The following PCP4L1 variants were observed in gnomAD, a reference collection of about 807,000 sequenced individuals.
PCP4L1 encodes the protein Purkinje cell protein 4-like protein 1.
In PCP4L1, 9 loss-of-function variants were observed where a neutral mutation model predicts 9.6. That is an observed-to-expected ratio of 0.94 (90% confidence interval 0.57 to 1.64). PCP4L1 has a LOEUF of 1.64. PCP4L1 is among the 40% of genes most tolerant of loss of function. The pLI, the probability that PCP4L1 is intolerant of heterozygous loss-of-function variation, is 0.00. For missense variants in PCP4L1, 81 were observed against 80.8 expected (o/e 1.00, Z -0.01); for synonymous variants, 31 against 28.2 (o/e 1.10, Z -0.31).
At chr1:161,270,600 G>A (rs1256288641) in intron 1 of PCP4L1, among the ~76,000 whole-genome samples, 5 of 135,466 alleles carry the variant, frequency 3.7e-5, no homozygotes, top group African/African-American at 8.4e-5. Flanking sequence ...CAGGCTAGGC[G>A]CAGTGGCTCA....
At chr1:161,284,015 C>T (rs1669865521) in intron 2 of PCP4L1, among the ~76,000 whole-genome samples, 1 of 152,152 alleles carries the variant, frequency 6.6e-6, no homozygotes, top group Admixed American at 6.5e-5. Context: ...GCATTATCTC[C>T]ATCAGAAACT....
chr1:161,260,887 C>G (rs1669406298), intron 1 of PCP4L1, among the ~76,000 whole-genome samples: 1 of 152,160 alleles, frequency 6.6e-6, no homozygotes, highest in African/African-American at 2.4e-5. Flanking sequence ...AAGCTGTCTC[C>G]TAATACAGAG....
intron 1 of PCP4L1, among the ~76,000 whole-genome samples, chr1:161,281,569 C>A (rs1201075635): frequency 1.3e-5 from 2 of 151,520 alleles, no homozygotes; most frequent in Non-Finnish European, 3.0e-5. Flanking sequence ...GGCTGATCCC[C>A]ACCTCCCTCC....
At chr1:161,275,670 C>T (rs1054826474) in intron 1 of PCP4L1, among the ~76,000 whole-genome samples, 8 of 151,836 alleles carry the variant, frequency 5.3e-5, no homozygotes, top group Admixed American at 1.3e-4. Context: ...GATTTACTGG[C>T]AAAAGAGAGC....
chr1:161,277,928 C>A (rs970360095), intron 1 of PCP4L1, among the ~76,000 whole-genome samples: 2 of 152,210 alleles, frequency 1.3e-5, no homozygotes, highest in Non-Finnish European at 2.9e-5. Context: ...CGTCTGCCAC[C>A]TTTCCTGCAT....
rs1299835767 is a variant in PCP4L1 at position 161,281,798 on chromosome 1, GGCAGAGGC to G, written c.10-1867_10-1860del. 1.1e-4 allele frequency among the ~76,000 whole-genome samples: 6 copies of G among 53,216 alleles called. 1 individual carries two copies. Among genetic ancestry groups the G allele is most frequent in the African/African-American group, 2.9e-4 (3 of 10,498 alleles). 34.9% of individuals were successfully genotyped at this position (53,216 alleles called of 152,430 possible). On this transcript the variant is annotated intron_variant, in intron 1 of 2. Transcript: ENST00000504449. Reference sequence around the variant, plus strand: ...CCTCACATCCCGGACGGGGCGGCGGGGCAGAGGCGCTCCTCACATCCCGGACGGGGCGG... The same window carrying G: ...CCTCACATCCCGGACGGGGCGGCGGGGCTCCTCACATCCCGGACGGGGCGG...
Position 161,284,508 on chromosome 1 carries a change from C to T in PCP4L1, c.*27C>T. The stretch of plus-strand genomic sequence containing the variant: ...TGGCCAGGCTTGCCCTTCACCTTCA[C>T]CTTCATGCTGGTCCCTTCTCTCCCC... On this transcript the variant is annotated 3_prime_UTR_variant, in exon 3 of 3. Coordinates refer to ENST00000504449, the MANE Select transcript of PCP4L1 (RefSeq NM_001102566.2). 1.9e-6 allele frequency: 3 copies of T among 1,605,162 alleles called. No homozygotes were observed. Among genetic ancestry groups the T allele is most frequent in the Non-Finnish European group, 2.6e-6 (3 of 1,175,640 alleles).
At chr1:161,261,475 G>A (rs2102229779) in intron 1 of PCP4L1, among the ~76,000 whole-genome samples, 1 of 152,336 alleles carries the variant, frequency 6.6e-6, no homozygotes, top group East Asian at 1.9e-4. Flanking sequence ...TGCATTCACA[G>A]CTGCAGGCGG....
intron 1 of PCP4L1, among the ~76,000 whole-genome samples, chr1:161,277,557 T>G (rs1031924579): frequency 2.0e-5 from 3 of 152,208 alleles, no homozygotes; most frequent in African/African-American, 7.2e-5. Flanking sequence ...GGTCCTTATC[T>G]CCTCTAAAAT....
rs893535327 is a variant in PCP4L1 at position 161,284,560 on chromosome 1, C to T, written c.*79C>T. Reference sequence around the variant, plus strand: ...TCTCCACACCCATGTATCTTTATCCCTTGTCCCTCTAGCCTTTCCTTGAGG... The same window carrying T: ...TCTCCACACCCATGTATCTTTATCCTTTGTCCCTCTAGCCTTTCCTTGAGG... On this transcript the variant is annotated 3_prime_UTR_variant, in exon 3 of 3. Coordinates refer to ENST00000504449, the MANE Select transcript of PCP4L1 (RefSeq NM_001102566.2). The T allele has an allele frequency of 4.7e-5, 73 of 1,539,498 alleles. No homozygotes were observed. The highest frequency in any genetic ancestry group is 6.2e-5 in the Non-Finnish European group (71 of 1,138,582).
At chr1:161,263,914 T>C (rs1669463549) in intron 1 of PCP4L1, among the ~76,000 whole-genome samples, 1 of 130,188 alleles carries the variant, frequency 7.7e-6, no homozygotes, top group Admixed American at 7.6e-5. Flanking sequence ...TTTTTTTTTT[T>C]TTTTTTTTTT....
chr1:161,284,818 G>A lies in PCP4L1; in HGVS notation c.*337G>A, dbSNP rs1669881082. On this transcript the variant is annotated 3_prime_UTR_variant, in exon 3 of 3. Coordinates refer to ENST00000504449, the MANE Select transcript of PCP4L1 (RefSeq NM_001102566.2). ...CCAAAGAACAATGTGGGAAGGAGGG[G>A]AAGGCTTTCAGAGTAGGGTGCCTGA... 7 of 288,190 alleles carry A rather than the reference G, an allele frequency of 2.4e-5. No individual in the cohort carries two copies. The Admixed American group carries it at 2.7e-4, about 11-fold the overall frequency. The allele number at this position is 288,190 out of a possible 1,614,324, so 17.9% of individuals were successfully genotyped here.
intron 1 of PCP4L1, among the ~76,000 whole-genome samples, chr1:161,281,317 C>T (rs1302541719): frequency 4.0e-5 from 6 of 150,722 alleles, no homozygotes; most frequent in Admixed American, 6.6e-5. Flanking sequence ...TCCACAAAAC[C>T]GCCATTGTCA....
intron 1 of PCP4L1, among the ~76,000 whole-genome samples, chr1:161,267,605 G>T (rs1490875343): frequency 6.6e-6 from 1 of 152,240 alleles, no homozygotes; most frequent in Non-Finnish European, 1.5e-5. Context: ...GGAAGATTGG[G>T]CCTAGAGTTA....
chr1:161,283,576 G>A (rs1669857822), intron 1 of PCP4L1, 92 bp from the exon 2 acceptor site: 2 of 1,177,820 alleles, frequency 1.7e-6, no homozygotes, highest in Non-Finnish European at 2.4e-6. Flanking sequence ...CTGGTAATAG[G>A]GTTTGAGAGT....
At chr1:161,270,579 A>AAAAAAAAAAAG (rs993282417) in intron 1 of PCP4L1, among the ~76,000 whole-genome samples, 7 of 150,966 alleles carry the variant, frequency 4.6e-5, no homozygotes, top group South Asian at 4.2e-4. Flanking sequence ...CAAAAAAAAA[A>AAAAAAAAAAAG]AGAGAGACCC....
intron 1 of PCP4L1, among the ~76,000 whole-genome samples, chr1:161,270,381 C>T (rs1197882466): frequency 2.0e-5 from 3 of 151,990 alleles, no homozygotes; most frequent in Admixed American, 6.6e-5. Flanking sequence ...TACAATTGCT[C>T]ATGTCAGAGC....
At chr1:161,266,990 G>C (rs113120003) in intron 1 of PCP4L1, among the ~76,000 whole-genome samples, 2 of 152,138 alleles carry the variant, frequency 1.3e-5, no homozygotes, top group Admixed American at 6.5e-5. Flanking sequence ...GGGTCCCAGG[G>C]TGGAGTGGGA....
In PCP4L1 at chr1:161,258,907, C is replaced by T. The variant is rs1032574540; in HGVS notation, c.-68C>T. On this transcript the variant is annotated 5_prime_UTR_variant, in exon 1 of 3. Coordinates refer to ENST00000504449, the MANE Select transcript of PCP4L1 (RefSeq NM_001102566.2). ...CCCGGCAACTTTCAGCTGTCGCCCG[C>T]GGAGCCCCGAGGGCCACTCGCCTCA... 2.5e-5 allele frequency: 38 copies of T among 1,534,422 alleles called. No homozygotes were observed. The African/African-American group carries it at 4.8e-4, about 19-fold the overall frequency.
Sources: gnomAD v4.1 joint callset for allele counts (sites outside exome capture counted in the v4.1 genomes callset) on GRCh38, gnomAD v4.1.1 for gene constraint, MANE v1.5 for transcripts, NCBI Gene and HGNC (gene_info 2026-07-23, HGNC 2026-07-21) for gene names.